The following OAS3 variants were observed in gnomAD, a reference collection of about 807,000 sequenced individuals.
OAS3 encodes 2'-5'-oligoadenylate synthetase 3.
A neutral mutation model predicts 113.0 loss-of-function variants in OAS3; 107 were observed. The observed-to-expected ratio is 0.95, with a 90% CI of 0.81 to 1.11. The LOEUF is 1.11. Among genes scored for constraint, OAS3 ranks in the 50% most tolerant of loss-of-function variants. The probability of loss-of-function intolerance (pLI) is 0.00; values close to 1 mark genes in which losing one functional copy is unlikely to be tolerated. For synonymous variants in OAS3, 552 were observed against 573.6 expected, an observed-to-expected ratio of 0.96 and a Z score of 0.54; for missense variants, 1,258 against 1,389.1, an observed-to-expected ratio of 0.91 and a Z score of 1.50.
At chr12:112,941,884 G>A (rs1303225221) in intron 2 of OAS3, 32 bp downstream of exon 2, 2 of 1,613,788 alleles carry the variant, frequency 1.2e-6, no homozygotes, top group South Asian at 1.1e-5. Flanking sequence ...CCAGGGTTGG[G>A]GGCAAAAGAT....
intron 14 of OAS3, among the ~76,000 whole-genome samples, chr12:112,968,650 G>A (rs1268507290): frequency 6.6e-6 from 1 of 152,150 alleles, no homozygotes; most frequent in Non-Finnish European, 1.5e-5. Flanking sequence ...GAGTAGCTGG[G>A]ACCAGAGGCG....
intron 7 of OAS3, among the ~76,000 whole-genome samples, chr12:112,955,845 C>T (rs2043830423): frequency 6.6e-6 from 1 of 152,172 alleles, no homozygotes. Context: ...ATGATGCTGG[C>T]CTCATAAAAT....
rs535668355 is a variant in OAS3, at chr12:112,958,835, A to G, written c.1658-2236A>G. ...GCAGTCTGTCCGTTCTCAGATCTCAAACTCCATGCTGGGAGAACCACTACT... is the reference window on the plus strand; with the variant it reads ...GCAGTCTGTCCGTTCTCAGATCTCAGACTCCATGCTGGGAGAACCACTACT... On this transcript the variant is annotated intron_variant, in intron 7 of 15. Coordinates refer to ENST00000228928, the MANE Select transcript of OAS3 (RefSeq NM_006187.4). Among the ~76,000 whole-genome samples, 8 of 152,362 alleles carry G rather than the reference A, an allele frequency of 5.3e-5. No individual in the cohort carries two copies. In the South Asian group the frequency reaches 1.4e-3, roughly 28 times the overall value.
intron 3 of OAS3, among the ~76,000 whole-genome samples, chr12:112,946,295 T>C (rs376879247): frequency 6.6e-6 from 1 of 151,978 alleles, no homozygotes; most frequent in African/African-American, 2.4e-5. Context: ...AATCATGCAT[T>C]TTGGGATGGG....
Position 112,965,882 on chromosome 12 carries a change from G to A in OAS3, c.2542G>A (p.Glu848Lys). Residue 848 changes from glutamate to lysine, a missense_variant, in exon 12 of 16, where the codon GAG becomes AAG. Glu to Lys is a moderately conservative substitution (Grantham distance 56). Transcript: ENST00000228928. ...CATCTCCGAGATCCGAGCCCAGCTG[G>A]AGGCATGTCAACAGGAGCGGCAGTT... Reference protein sequence around the residue: ...EIISEIRAQLEACQQERQFEV... With the variant: ...EIISEIRAQLKACQQERQFEV... 1 of 1,613,770 alleles carries A rather than the reference G, an allele frequency of 6.2e-7. No individual in the cohort carries two copies. The highest frequency in any genetic ancestry group is 1.1e-5 in the South Asian group (1 of 90,982).
chr12:112,946,830 A>G lies in OAS3; in HGVS notation c.724A>G (p.Lys242Glu). 6.2e-7 allele frequency: 1 copy of G among 1,613,734 alleles called. No individual in the cohort carries two copies. The highest frequency in any genetic ancestry group is 8.5e-7 in the Non-Finnish European group (1 of 1,179,848). Residue 242 changes from lysine to glutamate, a missense_variant, in exon 4 of 16, where the codon AAG becomes GAG. Lys to Glu is a moderately conservative substitution (Grantham distance 56). Coordinates refer to ENST00000228928, the MANE Select transcript of OAS3 (RefSeq NM_006187.4). Reference sequence around the variant, plus strand: ...CATCTTCGCCTGGGAGCAGGGCTGTAAGAAGGATGCTTTCAGCCTAGCCGA... The same window carrying G: ...CATCTTCGCCTGGGAGCAGGGCTGTGAGAAGGATGCTTTCAGCCTAGCCGA... ...LTIFAWEQGC[K>E]KDAFSLAEGL...
intron 8 of OAS3, among the ~76,000 whole-genome samples, chr12:112,962,209 C>G (rs754387594): frequency 8.5e-5 from 13 of 152,222 alleles, no homozygotes; most frequent in Non-Finnish European, 1.6e-4. Context: ...CAACAAACAT[C>G]TATCGAGCAC....
rs2043898322 is a variant in OAS3, at chr12:112,962,730, T to G, written c.1912T>G (p.Phe638Val). The change falls in exon 9 of 16, where the codon TTT becomes GTT. Residue 638 changes from phenylalanine to valine, a missense_variant. Physicochemically the swap from Phe to Val is conservative, Grantham distance 50. Transcript: ENST00000228928. ...CTATGCCCTGGAGCTCCTCACCATC[T>G]TTGCCTGGGAGCAGGGCTGCAGGCA... ...PAYALELLTIFAWEQGCRQDC... is the reference protein window; with the variant it reads ...PAYALELLTIVAWEQGCRQDC... 6.2e-7 allele frequency: 1 copy of G among 1,613,782 alleles called. No individual in the cohort carries two copies. Among genetic ancestry groups the G allele is most frequent in the Non-Finnish European group, 8.5e-7 (1 of 1,179,874 alleles).
chr12:112,966,319 G>A (rs2043933985), intron 12 of OAS3, among the ~76,000 whole-genome samples: 1 of 152,182 alleles, frequency 6.6e-6, no homozygotes, highest in South Asian at 2.1e-4. Flanking sequence ...TCCCCGTCCT[G>A]AGCCCCAGTG....
Position 112,949,027 on chromosome 12 carries a change from C to T in OAS3, c.1196C>T (p.Pro399Leu). 4 of 1,614,036 alleles carry T rather than the reference C, an allele frequency of 2.5e-6. No homozygotes were observed. Among genetic ancestry groups the T allele is most frequent in the Admixed American group, 1.7e-5 (1 of 60,024 alleles). The stretch of plus-strand genomic sequence containing the variant: ...CCCACTGGGGCAGCCAGCATCGTCC[C>T]CTCTGTGCCGGGAATGGCCTTGGAC... ...PGPTGAASIV[P>L]SVPGMALDLS... Residue 399 changes from proline to leucine, a missense_variant, in exon 6 of 16, where the codon CCC becomes CTC. Coordinates refer to ENST00000228928, the MANE Select transcript of OAS3 (RefSeq NM_006187.4).
Position 112,970,122 on chromosome 12 carries a change from G to T in OAS3, c.*149G>T. On this transcript the variant is annotated 3_prime_UTR_variant, in exon 16 of 16. Transcript: ENST00000228928. ...TGCATGTGTGTGCACACGTGTGCAT[G>T]TGTGTGTTTTAGTGAATCTGCTCTC... 3.3e-6 allele frequency: 3 copies of T among 918,944 alleles called. No homozygotes were observed. Among genetic ancestry groups the T allele is most frequent in the Non-Finnish European group, 5.2e-6 (3 of 580,740 alleles). The allele number at this position is 918,944 out of a possible 1,614,324, so 56.9% of individuals were successfully genotyped here. A position where few individuals can be genotyped will look rare whatever the true frequency, so the allele number is the denominator to read the frequency against.
In OAS3 at chr12:112,944,755, C is replaced by T. The variant is rs983225940; in HGVS notation, c.636+104C>T. ...CATTTAGTGGCCATTCATGTTCTCT[C>T]TCTGGGAATTGTCTGTTTATGTCCC... On this transcript the variant is annotated intron_variant, in intron 3 of 15. Coordinates refer to ENST00000228928, the MANE Select transcript of OAS3 (RefSeq NM_006187.4). The T allele has an allele frequency of 2.4e-6, 3 of 1,228,642 alleles. No individual in the cohort carries two copies. The South Asian group carries it at 3.7e-5, about 15-fold the overall frequency. 76.1% of individuals were successfully genotyped at this position (1,228,642 alleles called of 1,614,324 possible).
intron 3 of OAS3, 112 bp downstream of exon 3, chr12:112,944,763 A>G: frequency 2.6e-6 from 3 of 1,172,348 alleles, no homozygotes; most frequent in Admixed American, 1.9e-5. Flanking sequence ...CTCTCTGGGA[A>G]TTGTCTGTTT....
chr12:112,966,165 A>C (rs2043931968), intron 12 of OAS3, 136 bp downstream of exon 12: 5 of 929,762 alleles, frequency 5.4e-6, no homozygotes, highest in South Asian at 1.7e-5. Context: ...GTGTATGTTC[A>C]TCACAACTTT....
chr12:112,961,249 G>A lies in OAS3; in HGVS notation c.1833+3G>A, dbSNP rs374874172. On this transcript the variant is annotated splice_donor_region_variant and intron_variant, in intron 8 of 15. Transcript: ENST00000228928. ...TGGTGAAGCACTGGTACCGCCAGGTGAGTTGCCCCTGGCTCCTCCCAGGAA... is the reference window on the plus strand; with the variant it reads ...TGGTGAAGCACTGGTACCGCCAGGTAAGTTGCCCCTGGCTCCTCCCAGGAA... The A allele has an allele frequency of 6.2e-6, 10 of 1,612,744 alleles. No homozygotes were observed. The highest frequency in any genetic ancestry group is 8.5e-6 in the Non-Finnish European group (10 of 1,179,134).
In OAS3 at chr12:112,970,000, G is replaced by A. The variant is rs769354849; in HGVS notation, c.*27G>A. The A allele has an allele frequency of 1.2e-6, 2 of 1,604,784 alleles. No individual in the cohort carries two copies. The highest frequency in any genetic ancestry group is 1.7e-6 in the Non-Finnish European group (2 of 1,175,450). ...GTTGAGAAAATCAGCGGTCCTACTG[G>A]ATGAAGAGAAGATGGACACCAGCCC... On this transcript the variant is annotated 3_prime_UTR_variant, in exon 16 of 16. Transcript: ENST00000228928.
rs2043784469 is a variant in OAS3, at chr12:112,950,806, C to T, written c.1488C>T (p.Ile496=). 1 of 1,613,992 alleles carries T rather than the reference C, an allele frequency of 6.2e-7. No individual in the cohort carries two copies. Among genetic ancestry groups the T allele is most frequent in the Non-Finnish European group, 8.5e-7 (1 of 1,179,896 alleles). The change falls in exon 7 of 16, where the codon ATC becomes ATT. Residue 496 remains isoleucine (I), a synonymous_variant. Coordinates refer to ENST00000228928, the MANE Select transcript of OAS3 (RefSeq NM_006187.4). ...ACCAGGGGCCCCGCCGCGCAGAGAT[C>T]CTTGATGAGATGCGAGCGCAGCTAG... The part of the protein sequence containing the change: ...YKDQGPRRAE[I]LDEMRAQLES...
chr12:112,949,278 CAA>C, intron 6 of OAS3, 73 bp downstream of exon 6: 1 of 1,355,642 alleles, frequency 7.4e-7, no homozygotes, highest in South Asian at 1.3e-5. Context: ...GGAGTTACAG[CAA>C]TGGAGCTGAG....
rs1361308993 is a variant in OAS3 at position 112,938,712 on chromosome 12, G to C, written c.177+5G>C. On this transcript the variant is annotated splice_donor_5th_base_variant and intron_variant, in intron 1 of 15. Transcript: ENST00000228928. ...CGGGTGCTGAAAACTGTCAAGGTGA[G>C]GTCCCACCTCGGGGTCTTTATGTGT... 6.5e-7 allele frequency: 1 copy of C among 1,540,968 alleles called. No homozygotes were observed. The highest frequency in any genetic ancestry group is 1.2e-5 in the South Asian group (1 of 83,454).
Sources: allele counts gnomAD v4.1 joint callset (sites outside exome capture counted in the v4.1 genomes callset), GRCh38; gene constraint gnomAD v4.1.1; transcripts MANE v1.5; gene names NCBI Gene and HGNC (gene_info 2026-07-23, HGNC 2026-07-21).